The following COMMD10 variants were observed in gnomAD, a reference collection of about 807,000 sequenced individuals.
COMMD10 encodes COMM domain-containing protein 10.
A neutral mutation model predicts 28.9 loss-of-function variants in COMMD10; 33 were observed. The observed-to-expected ratio is 1.14, with a 90% CI of 0.87 to 1.53. The LOEUF (loss-of-function observed/expected upper bound fraction) is 1.53, where lower values mean the gene tolerates loss of function less well. Ranked by LOEUF, COMMD10 falls within the 40% of genes most tolerant of loss-of-function variation. COMMD10 has a pLI of 0.00. For synonymous variants in COMMD10, 110 were observed against 81.7 expected, an observed-to-expected ratio of 1.35 and a Z score of -1.87; for missense variants, 310 against 233.4, an observed-to-expected ratio of 1.33 and a Z score of -2.14.
chr5:116,168,849 T>C (rs1753221466), intron 5 of COMMD10, among the ~76,000 whole-genome samples: 1 of 152,172 alleles, frequency 6.6e-6, no homozygotes, highest in African/African-American at 2.4e-5. Context: ...GGGAAATTTA[T>C]AGCACTAACT....
intron 5 of COMMD10, among the ~76,000 whole-genome samples, chr5:116,161,277 T>G (rs1042554409): frequency 6.6e-6 from 1 of 152,210 alleles, no homozygotes; most frequent in South Asian, 2.1e-4. Flanking sequence ...ATGTGAATGC[T>G]TATCTCCTAG....
chr5:116,110,621 A>G (rs1751012248), intron 4 of COMMD10, among the ~76,000 whole-genome samples: 1 of 152,114 alleles, frequency 6.6e-6, no homozygotes, highest in African/African-American at 2.4e-5. Context: ...TTACATTGCT[A>G]CACAGAAATA....
At chr5:116,195,140 A>G (rs184132411) in intron 5 of COMMD10, among the ~76,000 whole-genome samples, 390 of 152,302 alleles carry the variant, frequency 2.6e-3, no homozygotes, top group Non-Finnish European at 4.4e-3. Flanking sequence ...ACTCTCAACA[A>G]AATCGGCATA....
At chr5:116,280,057 G>A (rs1431333017) in intron 5 of COMMD10, among the ~76,000 whole-genome samples, 1 of 151,800 alleles carries the variant, frequency 6.6e-6, no homozygotes, top group Non-Finnish European at 1.5e-5. Flanking sequence ...ACAATGACAT[G>A]TTTCACTTTT....
intron 4 of COMMD10, among the ~76,000 whole-genome samples, chr5:116,107,934 A>G (rs1042233719): frequency 6.6e-6 from 1 of 152,036 alleles, no homozygotes; most frequent in African/African-American, 2.4e-5. Context: ...TCTAACTGTC[A>G]GGCCCTTCTG....
At chr5:116,231,791 A>G (rs961607762) in intron 5 of COMMD10, among the ~76,000 whole-genome samples, 1 of 152,128 alleles carries the variant, frequency 6.6e-6, no homozygotes, top group South Asian at 2.1e-4. Flanking sequence ...AAAGAAATTA[A>G]TTGGGAAATA....
chr5:116,175,175 T>A (rs1291994987), intron 5 of COMMD10, among the ~76,000 whole-genome samples: 1 of 152,090 alleles, frequency 6.6e-6, no homozygotes, highest in Admixed American at 6.6e-5. Context: ...TTGTCTCAGT[T>A]GTATTTAATA....
chr5:116,091,892 A>G lies in COMMD10; in HGVS notation c.244-653A>G, dbSNP rs570054680. On this transcript the variant is annotated intron_variant, in intron 3 of 6. Coordinates refer to ENST00000274458, the MANE Select transcript of COMMD10 (RefSeq NM_016144.4). The stretch of plus-strand genomic sequence containing the variant: ...GTTTAAATAGTTTTGTAACTTCATG[A>G]GCATTTTAATGAACATATTAGGAGG... 3.9e-5 allele frequency among the ~76,000 whole-genome samples: 6 copies of G among 152,332 alleles called. No homozygotes were observed. In the South Asian group the frequency reaches 1.0e-3, roughly 26 times the overall value.
chr5:116,248,447 G>C (rs370300713), intron 5 of COMMD10, among the ~76,000 whole-genome samples: 2 of 151,964 alleles, frequency 1.3e-5, no homozygotes, highest in Non-Finnish European at 1.5e-5. Context: ...CAAAGACTCC[G>C]GAAAGGTAAA....
chr5:116,161,974 AG>A (rs1752932846), intron 5 of COMMD10, among the ~76,000 whole-genome samples: 1 of 152,196 alleles, frequency 6.6e-6, no homozygotes, highest in Non-Finnish European at 1.5e-5. Flanking sequence ...AGAAACCAGA[AG>A]TTTTTCTCCC....
At chr5:116,226,607 G>A (rs1749400258) in intron 5 of COMMD10, among the ~76,000 whole-genome samples, 1 of 151,026 alleles carries the variant, frequency 6.6e-6, no homozygotes. Context: ...GGGGACTTGG[G>A]ACTAAAAAGC....
chr5:116,159,077 G>A (rs1752833187), intron 5 of COMMD10, among the ~76,000 whole-genome samples: 1 of 151,976 alleles, frequency 6.6e-6, no homozygotes, highest in African/African-American at 2.4e-5. Context: ...TTCCACCTTT[G>A]TCTTCTATAG....
intron 4 of COMMD10, among the ~76,000 whole-genome samples, chr5:116,115,359 A>T (rs149291949): frequency 1.3e-5 from 2 of 152,242 alleles, no homozygotes; most frequent in African/African-American, 4.8e-5. Context: ...CCCTGTCCAC[A>T]TTAGCTGTTT....
chr5:116,085,657 C>T (rs192051944), intron 1 of COMMD10: 5 of 152,328 alleles, frequency 3.3e-5, no homozygotes, highest in Admixed American at 2.0e-4. Context: ...TTAATTTCTA[C>T]TTATGGTAGA....
Position 116,292,463 on chromosome 5 carries a change from C to G in COMMD10, c.583C>G (p.Gln195Glu). The G allele has an allele frequency of 3.2e-6, 5 of 1,551,732 alleles. No individual in the cohort carries two copies. Among genetic ancestry groups the G allele is most frequent in the South Asian group, 1.2e-5 (1 of 83,654 alleles). The change falls in exon 7 of 7, where the codon CAA (glutamine) becomes GAA (glutamate). Residue 195 changes from glutamine to glutamate, a missense_variant. Physicochemically the swap from Gln to Glu is conservative, Grantham distance 29 (BLOSUM62 2). Coordinates refer to ENST00000274458, the MANE Select transcript of COMMD10 (RefSeq NM_016144.4). ...TCTTTGTAAATAGCTAGAGACTATA[C>G]AAGCACAGCTGGATTCCCTTACATG... ...FDFYNKLETI[Q>E]AQLDSLT
intron 5 of COMMD10, among the ~76,000 whole-genome samples, chr5:116,144,243 T>A (rs927954247): frequency 2.0e-5 from 3 of 151,914 alleles, no homozygotes; most frequent in Admixed American, 2.0e-4. Flanking sequence ...TGAAGGAGCT[T>A]ATGACAGTGA....
intron 5 of COMMD10, among the ~76,000 whole-genome samples, chr5:116,138,616 T>C (rs940338856): frequency 6.6e-6 from 1 of 151,800 alleles, no homozygotes; most frequent in Non-Finnish European, 1.5e-5. Context: ...AGGATCCTTG[T>C]GTTTCATTTT....
At chr5:116,147,231 C>T (rs973798598) in intron 5 of COMMD10, among the ~76,000 whole-genome samples, 1 of 151,800 alleles carries the variant, frequency 6.6e-6, no homozygotes, top group African/African-American at 2.4e-5. Flanking sequence ...TTATCATATG[C>T]TGGAGATTGA....
intron 4 of COMMD10, among the ~76,000 whole-genome samples, chr5:116,131,875 A>T (rs1751874440): frequency 6.6e-6 from 1 of 152,094 alleles, no homozygotes; most frequent in Non-Finnish European, 1.5e-5. Flanking sequence ...GTGAAACAGC[A>T]TAGTATGTTT....
Sources: gnomAD v4.1 joint callset for allele counts (sites outside exome capture counted in the v4.1 genomes callset) on GRCh38, gnomAD v4.1.1 for gene constraint, MANE v1.5 for transcripts, NCBI Gene and HGNC (gene_info 2026-07-23, HGNC 2026-07-21) for gene names.